OIT3: variants seen among roughly 807,000 people sequenced by gnomAD.
The protein encoded by OIT3 is oncoprotein induced transcript 3, also known as oncoprotein-induced transcript 3 protein.
Under a neutral mutation model 52.2 loss-of-function variants are expected in OIT3, and 41 were observed. That is an observed-to-expected ratio of 0.79 (90% confidence interval 0.61 to 1.02). The LOEUF is 1.02. Among genes scored for constraint, OIT3 ranks in the 50% least tolerant of loss-of-function variants. OIT3 has a pLI of 0.00. For synonymous variants in OIT3, 244 were observed against 276.9 expected (o/e 0.88, Z 1.18); for missense variants, 634 against 715.5 (o/e 0.89, Z 1.30).
rs201435469 is a variant in OIT3 at position 72,904,484 on chromosome 10, G to C, written c.545-2112G>C. Among the ~76,000 whole-genome samples, 4 of 152,256 alleles carry C rather than the reference G, an allele frequency of 2.6e-5. No homozygotes were observed. The East Asian group carries it at 7.7e-4, about 29-fold the overall frequency. ...CCTCTAACCATCTACTTTCCAGGCA[G>C]TATAATGAGGAAAGGGAAAGAAGGA... On this transcript the variant is annotated intron_variant, in intron 3 of 8. Coordinates refer to ENST00000334011, the MANE Select transcript of OIT3 (RefSeq NM_152635.3).
chr10:72,899,595 C>CA (rs57434990), intron 2 of OIT3, among the ~76,000 whole-genome samples: 1,147 of 88,806 alleles, frequency 0.013, 12 homozygotes, highest in East Asian at 0.053. Flanking sequence ...GACTCTGATT[C>CA]AAAAAAAAAA....
chr10:72,909,251 G>A (rs1263609219), intron 4 of OIT3, among the ~76,000 whole-genome samples: 1 of 151,346 alleles, frequency 6.6e-6, no homozygotes, highest in African/African-American at 2.4e-5. Context: ...CTCTCAAGAA[G>A]CTGGGACTAC....
intron 6 of OIT3, among the ~76,000 whole-genome samples, chr10:72,922,254 A>G (rs542847546): frequency 2.9e-4 from 44 of 152,156 alleles, no homozygotes; most frequent in African/African-American, 1.0e-3. Flanking sequence ...GGAAGTGCTC[A>G]TGGATATCTT....
At chr10:72,900,889 A>G (rs1307560051) in intron 3 of OIT3, among the ~76,000 whole-genome samples, 1 of 152,104 alleles carries the variant, frequency 6.6e-6, no homozygotes, top group Non-Finnish European at 1.5e-5. Context: ...GCAACAAAGA[A>G]AAAACTCATC....
intron 6 of OIT3, chr10:72,918,024 T>A (rs999516597): frequency 1.4e-5 from 12 of 828,652 alleles, no homozygotes; most frequent in Admixed American, 7.0e-5. Flanking sequence ...ATCTTCTTCA[T>A]CGTCATCATC....
At chr10:72,930,347 A>G (rs1846205007) in intron 7 of OIT3, among the ~76,000 whole-genome samples, 191 bp from the exon 8 acceptor site, 1 of 152,248 alleles carries the variant, frequency 6.6e-6, no homozygotes. Context: ...AGATGCTATT[A>G]GTAAATAAGG....
intron 2 of OIT3, 110 bp downstream of exon 2, chr10:72,899,148 A>G (rs1713540101): frequency 1.1e-6 from 1 of 949,392 alleles, no homozygotes. Context: ...CTCAATCTGA[A>G]CAACATTGAT....
chr10:72,899,323 G>A (rs542214194), intron 2 of OIT3, among the ~76,000 whole-genome samples: 18 of 152,226 alleles, frequency 1.2e-4, no homozygotes, highest in Middle Eastern at 3.4e-3. Context: ...TGGGCCAGGC[G>A]CAGTGGCTCA....
chr10:72,927,863 T>G (rs1846183008), intron 7 of OIT3, among the ~76,000 whole-genome samples: 2 of 152,154 alleles, frequency 1.3e-5, no homozygotes, highest in African/African-American at 2.4e-5. Flanking sequence ...AGGGTTTACT[T>G]CCTCCATGAA....
chr10:72,926,824 A>AT (rs1846173620), intron 7 of OIT3, among the ~76,000 whole-genome samples: 1 of 152,054 alleles, frequency 6.6e-6, no homozygotes, highest in Non-Finnish European at 1.5e-5. Flanking sequence ...GCAGTGATAG[A>AT]TTTTTGTTCC....
intron 3 of OIT3, among the ~76,000 whole-genome samples, chr10:72,904,680 A>G (rs1406134562): frequency 6.6e-6 from 1 of 152,058 alleles, no homozygotes; most frequent in African/African-American, 2.4e-5. Flanking sequence ...TTTTCTGGAT[A>G]ATTCTGTTAT....
In OIT3 at chr10:72,918,386, C is replaced by T. The variant is rs564019768; in HGVS notation, c.951+4918C>T. ...TGTGCAATTCGTCCTTTGCACCAGCCCTTAAACTGACTGTTTTTAAAGATA... is the reference window on the plus strand; with the variant it reads ...TGTGCAATTCGTCCTTTGCACCAGCTCTTAAACTGACTGTTTTTAAAGATA... On this transcript the variant is annotated intron_variant, in intron 6 of 8. Transcript: ENST00000334011. 3.9e-5 allele frequency: 30 copies of T among 772,802 alleles called. No individual in the cohort carries two copies. The East Asian group carries it at 7.3e-4, about 19-fold the overall frequency. 47.9% of individuals were successfully genotyped at this position (772,802 alleles called of 1,614,324 possible). A position where few individuals can be genotyped will look rare whatever the true frequency, so the allele number is the denominator to read the frequency against.
chr10:72,927,291 C>T (rs1846177878), intron 7 of OIT3, among the ~76,000 whole-genome samples: 1 of 152,100 alleles, frequency 6.6e-6, no homozygotes, highest in African/African-American at 2.4e-5. Context: ...AGGCATATAC[C>T]ACCACACCCA....
At chr10:72,908,686 C>A (rs1846001875) in intron 4 of OIT3, among the ~76,000 whole-genome samples, 2 of 151,998 alleles carry the variant, frequency 1.3e-5, no homozygotes, top group Admixed American at 1.3e-4. Flanking sequence ...TCCATAAAAA[C>A]ATTTGTAATT....
chr10:72,924,364 A>G lies in OIT3; in HGVS notation c.1087A>G (p.Thr363Ala). The G allele has an allele frequency of 6.2e-7, 1 of 1,614,108 alleles. No homozygotes were observed. Among genetic ancestry groups the G allele is most frequent in the South Asian group, 1.1e-5 (1 of 91,074 alleles). The change falls in exon 7 of 9, where the codon ACC (threonine) becomes GCC (alanine). Residue 363 changes from threonine to alanine, a missense_variant. Thr to Ala is a moderately conservative substitution (Grantham distance 58, BLOSUM62 0). Coordinates refer to ENST00000334011, the MANE Select transcript of OIT3 (RefSeq NM_152635.3). ...PVTCEFPRLYTISEGYVPNLR... is the reference protein window; with the variant it reads ...PVTCEFPRLYAISEGYVPNLR... ...GACCTGCGAGTTTCCACGCCTGTAC[A>G]CCATTTCTGAAGGATACGTTCCCAA...
intron 1 of OIT3, among the ~76,000 whole-genome samples, chr10:72,896,583 G>A (rs536807556): frequency 6.6e-6 from 1 of 152,330 alleles, no homozygotes; most frequent in South Asian, 2.1e-4. Flanking sequence ...GAGGCCATTA[G>A]CAGTGGGCTA....
At chr10:72,909,763 A>AT (rs1461271608) in intron 4 of OIT3, among the ~76,000 whole-genome samples, 1 of 151,134 alleles carries the variant, frequency 6.6e-6, no homozygotes, top group Admixed American at 6.6e-5. Context: ...TGCCCTGCTA[A>AT]TTTTTTTTGT....
At chr10:72,918,726 C>T (rs1052063854) in intron 6 of OIT3, among the ~76,000 whole-genome samples, 2 of 152,086 alleles carry the variant, frequency 1.3e-5, no homozygotes, top group Non-Finnish European at 1.5e-5. Flanking sequence ...AGCCAGGTAT[C>T]CCAGCACCGT....
At chr10:72,909,938 G>T (rs930631120) in intron 4 of OIT3, among the ~76,000 whole-genome samples, 1 of 152,110 alleles carries the variant, frequency 6.6e-6, no homozygotes, top group Non-Finnish European at 1.5e-5. Flanking sequence ...GAGCTACCGC[G>T]CCTGACCTGT....
Sources: gnomAD v4.1 joint callset for allele counts (sites outside exome capture counted in the v4.1 genomes callset) on GRCh38, gnomAD v4.1.1 for gene constraint, MANE v1.5 for transcripts, NCBI Gene and HGNC (gene_info 2026-07-23, HGNC 2026-07-21) for gene names.